NF1: variants seen among roughly 807,000 people sequenced by gnomAD.
NF1 encodes neurofibromin 1.
A neutral mutation model predicts 325.7 loss-of-function variants in NF1; 122 were observed. The ratio of observed to expected loss-of-function variants is 0.37; its 90% CI spans 0.32 to 0.44. The LOEUF is 0.44. NF1 is among the 20% of genes least tolerant of loss of function. NF1 has a pLI of 1.00. For synonymous variants in NF1, 1,091 were observed against 1,186.0 expected, an observed-to-expected ratio of 0.92 and a Z score of 1.65; for missense variants, 2,140 against 3,415.4, an observed-to-expected ratio of 0.63 and a Z score of 9.31.
intron 48 of NF1, chr17:31,346,210 C>G: frequency 6.2e-7 from 1 of 1,610,864 alleles, no homozygotes; most frequent in Non-Finnish European, 8.5e-7. Context: ...ATGGAAGAAC[C>G]AGGAAGATGT....
At chr17:31,098,376 A>G (rs976836155) in intron 1 of NF1, among the ~76,000 whole-genome samples, 2 of 151,490 alleles carry the variant, frequency 1.3e-5, no homozygotes, top group African/African-American at 2.4e-5. Flanking sequence ...TATTTTTTTT[A>G]TTTTTGAGAC....
At chr17:31,344,046 T>TGTAGGTTTTTGTAAGAATCAACA (rs2069903695) in intron 48 of NF1, among the ~76,000 whole-genome samples, 1 of 152,092 alleles carries the variant, frequency 6.6e-6, no homozygotes, top group African/African-American at 2.4e-5. Flanking sequence ...TACCTAAGTA[T>TGTAGGTTTTTGTAAGAATCAACA]CTTACTGATT....
At chr17:31,222,119 T>C in intron 15 of NF1, 190 bp downstream of exon 15, 1 of 1,294,536 alleles carries the variant, frequency 7.7e-7, no homozygotes, top group Non-Finnish European at 9.8e-7. Context: ...ATCACAGCAA[T>C]TTAGAAAATA....
At chr17:31,234,530 G>A (rs1384066946) in intron 27 of NF1, among the ~76,000 whole-genome samples, 1 of 151,796 alleles carries the variant, frequency 6.6e-6, no homozygotes, top group African/African-American at 2.4e-5. Context: ...AAAAAAATCA[G>A]CTGGGCGTGG....
At chr17:31,210,830 A>G (rs957532639) in intron 12 of NF1, among the ~76,000 whole-genome samples, 3 of 152,108 alleles carry the variant, frequency 2.0e-5, no homozygotes, top group African/African-American at 7.2e-5. Context: ...TTAGTTATTT[A>G]AACTCTTTGG....
intron 5 of NF1, among the ~76,000 whole-genome samples, chr17:31,175,040 C>T (rs927128478): frequency 2.1e-4 from 27 of 126,616 alleles, no homozygotes; most frequent in African/African-American, 5.6e-4. Flanking sequence ...ACCTGGGAGA[C>T]GGAGGTTGCG....
At chr17:31,319,867 C>G (rs1420969732) in intron 36 of NF1, among the ~76,000 whole-genome samples, 1 of 151,138 alleles carries the variant, frequency 6.6e-6, no homozygotes, top group Non-Finnish European at 1.5e-5. Context: ...CTGATTTTGA[C>G]ATAATTGTAA....
At chr17:31,201,353 G>A in intron 10 of NF1, 58 bp from the exon 11 acceptor site, 1 of 1,497,920 alleles carries the variant, frequency 6.7e-7, no homozygotes, top group South Asian at 1.2e-5. Flanking sequence ...GGCTTCATTT[G>A]TATTACTGAG....
intron 36 of NF1, chr17:31,296,224 G>T (rs1351128679): frequency 6.2e-7 from 1 of 1,614,100 alleles, no homozygotes; most frequent in African/African-American, 1.3e-5. Flanking sequence ...CCACATGCCT[G>T]TGCCTCTCTG....
At chr17:31,171,937 A>G (rs76744228) in intron 5 of NF1, among the ~76,000 whole-genome samples, 1 of 152,316 alleles carries the variant, frequency 6.6e-6, no homozygotes, top group South Asian at 2.1e-4. Context: ...TTATTTGCAG[A>G]AAAAAACTAT....
At chr17:31,122,263 G>T (rs1914496849) in intron 1 of NF1, among the ~76,000 whole-genome samples, 1 of 152,168 alleles carries the variant, frequency 6.6e-6, no homozygotes. Context: ...AAATTGGAAG[G>T]CTTCAGATGG....
chr17:31,305,752 A>T, intron 36 of NF1: 1 of 794,904 alleles, frequency 1.3e-6, no homozygotes, highest in East Asian at 2.7e-5. Context: ...AATTAGTAGT[A>T]GTTGATTAGT....
rs2066134947 is a variant in NF1, at chr17:31,181,605, A to G, written c.655-105A>G. Reference sequence around the variant, plus strand: ...TGATAGTTTCACATTCATTTTCAGGAAGAATACATTGTAATATTATTATGA... The same window carrying G: ...TGATAGTTTCACATTCATTTTCAGGGAGAATACATTGTAATATTATTATGA... On this transcript the variant is annotated intron_variant, in intron 6 of 57. Transcript: ENST00000358273. The G allele has an allele frequency of 3.9e-6, 5 of 1,290,270 alleles. No individual in the cohort carries two copies. In the East Asian group the frequency reaches 9.2e-5, roughly 24 times the overall value. The allele number at this position is 1,290,270 out of a possible 1,614,324, so 79.9% of individuals were successfully genotyped here. A position where few individuals can be genotyped will look rare whatever the true frequency, so the allele number is the denominator to read the frequency against.
At chr17:31,163,047 T>C (rs970736690) in intron 3 of NF1, 139 bp from the exon 4 acceptor site, 1 of 739,800 alleles carries the variant, frequency 1.4e-6, no homozygotes, top group African/African-American at 1.8e-5. Context: ...GATGAAACGT[T>C]AACAGTTGTT....
At position 31,337,000 on chromosome 17, in the gene NF1, T is replaced by G; in HGVS notation, c.6427+86T>G. On this transcript the variant is annotated intron_variant, in intron 42 of 57. Coordinates refer to ENST00000358273, the MANE Select transcript of NF1 (RefSeq NM_001042492.3). This position sits in a 1 kb window ranked among gnomAD's most constrained non-coding sequence, Gnocchi z 5.5. ...TCAATATAGATTATCTTATTTATGT[T>G]TGTGCTCTAACACCAAGTTGCTAAT... is the stretch of plus-strand genomic sequence containing the variant. 7.0e-7 allele frequency: 1 copy of G among 1,434,202 alleles called. No homozygotes were observed. The highest frequency in any genetic ancestry group is 9.6e-7 in the Non-Finnish European group (1 of 1,036,608). The allele number at this position is 1,434,202 out of a possible 1,614,324, so 88.8% of individuals were successfully genotyped here. A position where few individuals can be genotyped will look rare whatever the true frequency, so the allele number is the denominator to read the frequency against.
intron 36 of NF1, chr17:31,295,032 C>G: frequency 6.2e-7 from 1 of 1,614,120 alleles, no homozygotes; most frequent in Non-Finnish European, 8.5e-7. Flanking sequence ...ATGACCACAA[C>G]ATTGAGCAAT....
chr17:31,290,865 G>T (rs780696032), intron 36 of NF1, among the ~76,000 whole-genome samples: 1 of 151,542 alleles, frequency 6.6e-6, no homozygotes, highest in Admixed American at 6.6e-5. Context: ...AATTAGCTGG[G>T]CATGGTGGCA....
intron 1 of NF1, among the ~76,000 whole-genome samples, chr17:31,099,236 C>T (rs910224192): frequency 4.6e-5 from 7 of 152,262 alleles, no homozygotes; most frequent in African/African-American, 1.7e-4. Flanking sequence ...TGATGGGTAT[C>T]GCTTAGCAAC....
intron 33 of NF1, 24 bp downstream of exon 33, chr17:31,259,153 G>A: frequency 6.7e-7 from 1 of 1,483,984 alleles, no homozygotes; most frequent in South Asian, 1.2e-5. Context: ...CACTTACTCA[G>A]TTGCTCTGTT....
Sources: gnomAD v4.1 joint callset for allele counts (sites outside exome capture counted in the v4.1 genomes callset) on GRCh38, gnomAD v4.1.1 for gene constraint, Gnocchi (gnomAD v3.1) non-coding constraint, MANE v1.5 for transcripts, NCBI Gene and HGNC (gene_info 2026-07-23, HGNC 2026-07-21) for gene names.